NAV1: variants seen among roughly 807,000 people sequenced by gnomAD.
NAV1 encodes the protein pore membrane and/or filament interacting like protein 3.
NAV1 carries 18 observed loss-of-function variants against 175.2 expected under a neutral mutation model. The ratio of observed to expected loss-of-function variants is 0.10; its 90% CI spans 0.07 to 0.15. The LOEUF (loss-of-function observed/expected upper bound fraction) is 0.15, where lower values mean the gene tolerates loss of function less well. NAV1 is among the 10% of genes least tolerant of loss of function. NAV1 has a pLI of 1.00. For missense variants in NAV1, 1,731 were observed against 2,436.6 expected, an observed-to-expected ratio of 0.71 and a Z score of 6.10; for synonymous variants, 897 against 978.7, an observed-to-expected ratio of 0.92 and a Z score of 1.56.
intron 1 of NAV1, among the ~76,000 whole-genome samples, chr1:201,540,197 G>A (rs1187978582): frequency 6.6e-6 from 1 of 152,194 alleles, no homozygotes; most frequent in African/African-American, 2.4e-5. Context: ...CCGGCAGAGA[G>A]GGTTCCTTGT....
chr1:201,702,451 C>T (rs181391324), intron 1 of NAV1, among the ~76,000 whole-genome samples: 8 of 152,258 alleles, frequency 5.3e-5, no homozygotes, highest in Non-Finnish European at 1.2e-4. Context: ...ACTGCAACCC[C>T]TGCCTCCCAG....
chr1:201,562,171 ATTTTTTTT>A (rs566214709), intron 1 of NAV1, among the ~76,000 whole-genome samples: 1 of 127,272 alleles, frequency 7.9e-6, no homozygotes, highest in East Asian at 2.3e-4. Flanking sequence ...TGCCTGGCTA[ATTTTTTTT>A]TTTTTTTTTG....
chr1:201,713,950 T>A (rs1672022514), intron 2 of NAV1, among the ~76,000 whole-genome samples: 1 of 152,248 alleles, frequency 6.6e-6, no homozygotes, highest in Admixed American at 6.5e-5. Context: ...TTTCTTTTTT[T>A]ATTTTTAACA....
chr1:201,782,069 T>C lies in NAV1; in HGVS notation c.1664-107T>C, dbSNP rs1676359849. On this transcript the variant is annotated intron_variant, in intron 5 of 29. Transcript: ENST00000367296. The surrounding 1 kb of genome is among the most constrained non-coding windows in gnomAD (Gnocchi z 5.4). ...ACCCAAATTTAGGCCTCTAAAAGTC[T>C]ACAATACATGGACAATGTTCCCTTC... 1.9e-6 allele frequency: 2 copies of C among 1,036,934 alleles called. No homozygotes were observed. The highest frequency in any genetic ancestry group is 2.8e-6 in the Non-Finnish European group (2 of 716,792). 64.2% of individuals were successfully genotyped at this position (1,036,934 alleles called of 1,614,324 possible).
chr1:201,674,324 G>A (rs1670159519), intron 1 of NAV1, among the ~76,000 whole-genome samples: 1 of 152,200 alleles, frequency 6.6e-6, no homozygotes, highest in African/African-American at 2.4e-5. Flanking sequence ...GATGTCTGCC[G>A]CAGTGCCGCA....
rs1392367133 is a variant in NAV1, at chr1:201,756,797, TTTCTTTCTTTCC to T, written c.1227-23612_1227-23601del. On this transcript the variant is annotated intron_variant, in intron 3 of 29. Transcript: ENST00000367296. Reference sequence around the variant, plus strand: ...GGCAAAGAACTAATGAGCAATTCTCTTTCTTTCTTTCCTTCTTTCTTTCTTTCTTTCTTTCTT... The same window carrying T: ...GGCAAAGAACTAATGAGCAATTCTCTTTCTTTCTTTCTTTCTTTCTTTCTT... Among the ~76,000 whole-genome samples, 191 of 48,096 alleles carry T rather than the reference TTTCTTTCTTTCC, an allele frequency of 4.0e-3. 10 individuals are homozygous for T. Among genetic ancestry groups the T allele is most frequent in the African/African-American group, 0.013 (111 of 8,332 alleles). The allele number at this position is 48,096 out of a possible 152,430, so 31.6% of individuals were successfully genotyped here. A position where few individuals can be genotyped will look rare whatever the true frequency, so the allele number is the denominator to read the frequency against.
At chr1:201,562,232 T>C (rs1240114409) in intron 1 of NAV1, among the ~76,000 whole-genome samples, 2 of 148,308 alleles carry the variant, frequency 1.3e-5, no homozygotes, top group East Asian at 4.0e-4. Context: ...TTGCCTAGGC[T>C]GGTCTCGAAC....
intron 1 of NAV1, among the ~76,000 whole-genome samples, chr1:201,557,746 T>A (rs895687449): frequency 1.3e-5 from 2 of 152,166 alleles, no homozygotes; most frequent in Non-Finnish European, 2.9e-5. Context: ...AATGTAATAA[T>A]GCTGAGAAAT....
rs6691466 is a variant in NAV1 at position 201,778,311 on chromosome 1, A to G, written c.1227-2110A>G. On this transcript the variant is annotated intron_variant, in intron 3 of 29. Coordinates refer to ENST00000367296, the Ensembl canonical transcript of NAV1. ...ATCCTCTTTTTGCGAGGGTCCTTCC[A>G]TAAGAGCTTTCTTTGCCTCACGACC... Among the ~76,000 whole-genome samples the G allele has an allele frequency of 8.5e-3, 1,296 of 152,336 alleles. 23 individuals are homozygous for G. The highest frequency in any genetic ancestry group is 0.03 in the African/African-American group (1,241 of 41,568).
At chr1:201,645,849 C>A (rs142589289), upstream of NAV1, among the ~76,000 whole-genome samples, 166 of 152,330 alleles carry the variant, frequency 1.1e-3, no homozygotes, top group African/African-American at 3.7e-3. Flanking sequence ...GTCGGATTCT[C>A]AAATTGCTAT....
chr1:201,624,269 G>A lies in NAV1; in HGVS notation c.-101+663G>A, dbSNP rs1225864183. Among the ~76,000 whole-genome samples the A allele has an allele frequency of 2.7e-5, 4 of 148,326 alleles. No homozygotes were observed. In the South Asian group the frequency reaches 6.5e-4, roughly 24 times the overall value. ...TCACAACAAGATGGCCAACAAGCTA[G>A]TACATCCAGCTTTTTTCAGACACTG... On this transcript the variant is annotated intron_variant, in intron 1 of 29. Transcript: ENST00000367302.
intron 5 of NAV1, among the ~76,000 whole-genome samples, 178 bp downstream of exon 9, chr1:201,781,487 C>A (rs1449116952): frequency 6.6e-6 from 1 of 152,126 alleles, no homozygotes; most frequent in Non-Finnish European, 1.5e-5. Flanking sequence ...GTTATTATTT[C>A]CATTTTACAA....
chr1:201,678,735 C>A (rs1571879531), intron 1 of NAV1, among the ~76,000 whole-genome samples: 1 of 152,198 alleles, frequency 6.6e-6, no homozygotes, highest in East Asian at 1.9e-4. Flanking sequence ...TTCTTACCAC[C>A]CACTCACCAC....
chr1:201,708,845 T>C (rs1671778295), intron 1 of NAV1, among the ~76,000 whole-genome samples: 1 of 152,198 alleles, frequency 6.6e-6, no homozygotes, highest in South Asian at 2.1e-4. Flanking sequence ...GCATCTCAAC[T>C]TAGCCAATAA....
At chr1:201,701,509 A>G (rs978453452) in intron 1 of NAV1, among the ~76,000 whole-genome samples, 12 of 152,344 alleles carry the variant, frequency 7.9e-5, no homozygotes, top group African/African-American at 2.2e-4. Flanking sequence ...GGAAACTTCT[A>G]TATCTGTGCT....
chr1:201,758,840 G>T (rs577597788), intron 3 of NAV1, among the ~76,000 whole-genome samples: 3 of 152,300 alleles, frequency 2.0e-5, no homozygotes, highest in African/African-American at 7.2e-5. Flanking sequence ...TGTAGTATAT[G>T]TAGTGGTTAA....
In NAV1 at chr1:201,761,917, C is replaced by T. The variant is rs184074275; in HGVS notation, c.1227-18504C>T. Among the ~76,000 whole-genome samples, 7 of 152,178 alleles carry T rather than the reference C, an allele frequency of 4.6e-5. No homozygotes were observed. In the East Asian group the frequency reaches 1.2e-3, roughly 25 times the overall value. On this transcript the variant is annotated intron_variant, in intron 3 of 29. Transcript: ENST00000367296. ...CCTGTAATCCTAGCACTTTGGTAAGCCAAGGCGGGAGGATAACTTGAGGAC... is the reference window on the plus strand; with the variant it reads ...CCTGTAATCCTAGCACTTTGGTAAGTCAAGGCGGGAGGATAACTTGAGGAC...
intron 3 of NAV1, among the ~76,000 whole-genome samples, chr1:201,726,983 G>A (rs1672633435): frequency 1.3e-5 from 2 of 152,328 alleles, no homozygotes; most frequent in South Asian, 4.1e-4. Flanking sequence ...TTTGTGTCCT[G>A]TCTCTTTTCC....
At chr1:201,602,496 AG>A (rs1369914936) in intron 2 of NAV1, among the ~76,000 whole-genome samples, 2 of 152,074 alleles carry the variant, frequency 1.3e-5, no homozygotes, top group African/African-American at 4.8e-5. Context: ...GTGTGCCACC[AG>A]GCTGGCTAAT....
Sources: gnomAD v4.1 joint callset for allele counts (sites outside exome capture counted in the v4.1 genomes callset) on GRCh38, gnomAD v4.1.1 for gene constraint, Gnocchi (gnomAD v3.1) non-coding constraint, MANE v1.5 for transcripts, NCBI Gene and HGNC (gene_info 2026-07-23, HGNC 2026-07-21) for gene names.